The following STAG3 variants were observed in gnomAD, a reference collection of about 807,000 sequenced individuals.
STAG3 encodes cohesin subunit SA-3.
STAG3 carries 101 observed loss-of-function variants against 160.7 expected under a neutral mutation model. The ratio of observed to expected loss-of-function variants is 0.63; its 90% CI spans 0.54 to 0.74. STAG3 has a LOEUF of 0.74. STAG3 is among the 30% of genes least tolerant of loss of function. The pLI is 0.00. For missense variants in STAG3, 1,188 were observed against 1,517.4 expected, an observed-to-expected ratio of 0.78 and a Z score of 3.61; for synonymous variants, 519 against 585.0, an observed-to-expected ratio of 0.89 and a Z score of 1.63.
chr7:100,204,683 CT>C lies in STAG3; in HGVS notation c.2861del (p.Phe954SerfsTer4). 6.2e-7 allele frequency: 1 copy of C among 1,614,174 alleles called. No homozygotes were observed. The highest frequency in any genetic ancestry group is 1.3e-5 in the African/African-American group (1 of 75,044). ...GPQGLNELPA[F>X]IEMRDLARRF... Reference sequence around the variant, plus strand: ...CCCAGGGCCTGAATGAGCTTCCTGCCTTCATCGAGATGAGGGACCTGGCCCG... The same window carrying C: ...CCCAGGGCCTGAATGAGCTTCCTGCCTCATCGAGATGAGGGACCTGGCCCG... On this transcript the variant is annotated frameshift_variant, in exon 27 of 34. Coordinates refer to ENST00000615138, the MANE Select transcript of STAG3 (RefSeq NM_001282717.2). LOFTEE classifies it high-confidence loss of function.
chr7:100,213,165 C>A, intron 32 of STAG3: 1 of 293,294 alleles, frequency 3.4e-6, no homozygotes, highest in Non-Finnish European at 5.2e-6. Context: ...AGCCCTCTGG[C>A]CTGGGCTTAG....
rs373495958 is a variant in STAG3 at position 100,187,030 on chromosome 7, G to GT, written c.433+743dup. 8.6e-3 allele frequency among the ~76,000 whole-genome samples: 1,289 copies of GT among 149,348 alleles called. 11 individuals carry two copies. The highest frequency in any genetic ancestry group is 0.021 in the African/African-American group (845 of 40,672). On this transcript the variant is annotated intron_variant, in intron 5 of 33. Transcript: ENST00000615138. The stretch of plus-strand genomic sequence containing the variant: ...TTAGTTTTATTGCTGTCTTTGTTTT[G>GT]TTTTTTTTTGTTTTTTTTTGAGACA...
rs1487450163 is a variant in STAG3, at chr7:100,198,741, C to T, written c.1353-102C>T. On this transcript the variant is annotated intron_variant, in intron 13 of 33. Transcript: ENST00000615138. Reference sequence around the variant, plus strand: ...TGGGGCTTTCCTTAGCTCTCACCTCCTTTTCCTTTATCATCTCCTTGGGCC... The same window carrying T: ...TGGGGCTTTCCTTAGCTCTCACCTCTTTTTCCTTTATCATCTCCTTGGGCC... 9.4e-6 allele frequency: 12 copies of T among 1,279,314 alleles called. No homozygotes were observed. The Admixed American group carries it at 1.9e-4, about 20-fold the overall frequency. 79.2% of individuals were successfully genotyped at this position (1,279,314 alleles called of 1,614,324 possible). A position where few individuals can be genotyped will look rare whatever the true frequency, so the allele number is the denominator to read the frequency against.
At chr7:100,201,417 G>T in intron 21 of STAG3, 66 bp downstream of exon 21, 2 of 1,426,086 alleles carry the variant, frequency 1.4e-6, no homozygotes, top group Admixed American at 3.4e-5. Flanking sequence ...TACGTTCTAG[G>T]TGGCCACTAG....
At chr7:100,210,255 G>A (rs991776643) in intron 29 of STAG3, among the ~76,000 whole-genome samples, 2 of 152,152 alleles carry the variant, frequency 1.3e-5, no homozygotes, top group Admixed American at 1.3e-4. Context: ...TAGGCTGAGC[G>A]CTCACTTTGG....
In STAG3 at chr7:100,198,708, C is replaced by G. The variant is rs1478526091; in HGVS notation, c.1352+126C>G. The G allele has an allele frequency of 4.1e-5, 51 of 1,235,958 alleles. No homozygotes were observed. The Admixed American group carries it at 9.5e-4, about 23-fold the overall frequency. 76.6% of individuals were successfully genotyped at this position (1,235,958 alleles called of 1,614,324 possible). A position where few individuals can be genotyped will look rare whatever the true frequency, so the allele number is the denominator to read the frequency against. On this transcript the variant is annotated intron_variant, in intron 13 of 33. Coordinates refer to ENST00000615138, the MANE Select transcript of STAG3 (RefSeq NM_001282717.2). Reference sequence around the variant, plus strand: ...CTCCCTGGTGTCTCCTTTCTTCTCGCAGCTCCTTGGGGCTTTCCTTAGCTC... The same window carrying G: ...CTCCCTGGTGTCTCCTTTCTTCTCGGAGCTCCTTGGGGCTTTCCTTAGCTC...
intron 2 of STAG3, 105 bp from the exon 3 acceptor site, chr7:100,181,985 C>A: frequency 1.5e-6 from 1 of 647,582 alleles, no homozygotes; most frequent in Non-Finnish European, 2.7e-6. Context: ...ATGTTTTTCT[C>A]ATGGAGATGG....
At chr7:100,186,459 C>T (rs1372201527) in intron 5 of STAG3, among the ~76,000 whole-genome samples, 163 bp downstream of exon 5, 1 of 152,156 alleles carries the variant, frequency 6.6e-6, no homozygotes, top group Non-Finnish European at 1.5e-5. Flanking sequence ...TGACTCACAC[C>T]TGTAATCCCA....
chr7:100,187,880 C>T (rs1415606360), intron 5 of STAG3, among the ~76,000 whole-genome samples: 1 of 151,904 alleles, frequency 6.6e-6, no homozygotes, highest in African/African-American at 2.4e-5. Context: ...CCTCAGCCTC[C>T]CGAGTAGCTG....
chr7:100,200,783 C>A lies in STAG3; in HGVS notation c.1875C>A (p.Phe625Leu). Residue 625 changes from phenylalanine to leucine, a missense_variant, in exon 19 of 34, where the codon TTC (phenylalanine) becomes TTA (leucine). Transcript: ENST00000615138. Reference protein sequence around the residue: ...TGRLEKHLELFLQQLQEVVVK... With the variant: ...TGRLEKHLELLLQQLQEVVVK... Reference sequence around the variant, plus strand: ...TTTCTTCTCAGCACCTGGAGCTGTTCCTGCAGCAACTCCAGGAGGTGGTGG... The same window carrying A: ...TTTCTTCTCAGCACCTGGAGCTGTTACTGCAGCAACTCCAGGAGGTGGTGG... 2.5e-6 allele frequency: 4 copies of A among 1,614,154 alleles called. No individual in the cohort carries two copies. The highest frequency in any genetic ancestry group is 2.5e-6 in the Non-Finnish European group (3 of 1,180,020).
chr7:100,200,408 GC>G (rs748835541), intron 17 of STAG3, 44 bp from the exon 18 acceptor site: 1 of 1,613,052 alleles, frequency 6.2e-7, no homozygotes, highest in Non-Finnish European at 8.5e-7. Flanking sequence ...GTAGGAATTA[GC>G]AATGTGTCAG....
In STAG3 at chr7:100,180,627, C is replaced by T. The variant is rs778900186; in HGVS notation, c.71C>T (p.Ala24Val). 5 of 1,613,218 alleles carry T rather than the reference C, an allele frequency of 3.1e-6. No homozygotes were observed. The highest frequency in any genetic ancestry group is 1.1e-5 in the South Asian group (1 of 91,082). Residue 24 changes from alanine (A) to valine (V), a missense_variant, in exon 2 of 34, where the codon GCC becomes GTC. Ala to Val is a moderately conservative substitution (Grantham distance 64, BLOSUM62 0). Around this residue, in one of 4 missense-constraint regions of STAG3, gnomAD observed 296 missense variants for 404.0 expected, o/e 0.73. Transcript: ENST00000615138. Reference sequence around the variant, plus strand: ...TTGTCTGCATCTTCTAGTTCCTCTGCCAGTCTACCCTTTGATGACAGGGAC... The same window carrying T: ...TTGTCTGCATCTTCTAGTTCCTCTGTCAGTCTACCCTTTGATGACAGGGAC... ...RALSASSSSS[A>V]SLPFDDRDSN...
rs199911321 is a variant in STAG3 at position 100,180,828 on chromosome 7, G to GT, written c.116+164dup. On this transcript the variant is annotated intron_variant, in intron 2 of 33. Coordinates refer to ENST00000615138, the MANE Select transcript of STAG3 (RefSeq NM_001282717.2). Reference sequence around the variant, plus strand: ...TGACACCCTCCCTCCAGCTCCAGGTGTTTTTTTTGGCGGTCCTAGATGTTG... The same window carrying GT: ...TGACACCCTCCCTCCAGCTCCAGGTGTTTTTTTTTGGCGGTCCTAGATGTTG... 2.0e-3 allele frequency: 1,000 copies of GT among 497,246 alleles called. 9 individuals are homozygous for GT. In the East Asian group the frequency reaches 0.027, roughly 13 times the overall value. 30.8% of individuals were successfully genotyped at this position (497,246 alleles called of 1,614,324 possible).
In STAG3 at chr7:100,205,364, C is replaced by T; in HGVS notation, c.3218C>T (p.Ser1073Phe). The T allele has an allele frequency of 1.9e-6, 3 of 1,613,572 alleles. No individual in the cohort carries two copies. The highest frequency in any genetic ancestry group is 2.2e-5 in the East Asian group (1 of 44,860). ...ACCAGCCCTCAGGTCCTCCCCAGCT[C>T]CAAGAGGAGGCGCGTTGAAGGTAGG... is the stretch of plus-strand genomic sequence containing the variant. ...AETSPQVLPS[S>F]KRRRVEGPAK... The change falls in exon 29 of 34, where the codon TCC (serine) becomes TTC (phenylalanine). Residue 1073 changes from serine (S) to phenylalanine (F), a missense_variant. Coordinates refer to ENST00000615138, the MANE Select transcript of STAG3 (RefSeq NM_001282717.2).
Position 100,214,320 on chromosome 7 carries a change from G to A in STAG3, c.*305G>A, listed in dbSNP as rs1458259567. The stretch of plus-strand genomic sequence containing the variant: ...TAGCCCATAGTCTCCTGGATTTTTG[G>A]AACATCTTTCTCAGCCTATTTTGTG... On this transcript the variant is annotated 3_prime_UTR_variant, in exon 34 of 34. Transcript: ENST00000615138. The A allele has an allele frequency of 8.8e-6, 4 of 452,316 alleles. No individual in the cohort carries two copies. The highest frequency in any genetic ancestry group is 1.6e-5 in the Non-Finnish European group (4 of 254,502). The allele number at this position is 452,316 out of a possible 1,614,324, so 28.0% of individuals were successfully genotyped here.
chr7:100,209,908 G>A (rs1294417881), intron 29 of STAG3, among the ~76,000 whole-genome samples: 1 of 152,216 alleles, frequency 6.6e-6, no homozygotes, highest in Non-Finnish European at 1.5e-5. Flanking sequence ...GTGGGGGAAG[G>A]TTGGGGCATT....
chr7:100,205,430 T>C, intron 29 of STAG3, 46 bp downstream of exon 29: 1 of 1,538,180 alleles, frequency 6.5e-7, no homozygotes, highest in African/African-American at 1.4e-5. Context: ...AGGTGGTCGT[T>C]GGCTGCCTGC....
chr7:100,208,568 G>A (rs1402960011), intron 29 of STAG3, among the ~76,000 whole-genome samples: 1 of 152,170 alleles, frequency 6.6e-6, no homozygotes, highest in Non-Finnish European at 1.5e-5. Flanking sequence ...GAGCATCATG[G>A]GCTGGCAGAA....
At chr7:100,212,482 GTC>G (rs1432785048) in intron 32 of STAG3, 1 of 152,154 alleles carries the variant, frequency 6.6e-6, no homozygotes, top group Non-Finnish European at 1.5e-5. Context: ...TTGAGGTAGA[GTC>G]TCTCTTTGTC....
Sources: allele counts gnomAD v4.1 joint callset (sites outside exome capture counted in the v4.1 genomes callset), GRCh38; gene constraint gnomAD v4.1.1; regional missense constraint gnomAD v4.1.1; transcripts MANE v1.5; gene names NCBI Gene and HGNC (gene_info 2026-07-23, HGNC 2026-07-21).